FAM24B: variants seen among roughly 807,000 people sequenced by gnomAD.
FAM24B encodes the protein protein FAM24B.
Under a neutral mutation model 2.3 loss-of-function variants are expected in FAM24B, and 3 were observed. The observed-to-expected ratio is 1.29, with a 90% CI of 0.59 to 3.32. FAM24B has a LOEUF of 3.32. Ranked by LOEUF, FAM24B falls within the 30% of genes most tolerant of loss-of-function variation. The probability of loss-of-function intolerance (pLI) is 0.03; values close to 1 mark genes in which losing one functional copy is unlikely to be tolerated. For synonymous variants in FAM24B, 36 were observed against 46.3 expected (o/e 0.78, Z 0.90); for missense variants, 98 against 117.2 (o/e 0.84, Z 0.76).
In FAM24B at chr10:122,879,577, A is replaced by G. The variant is rs36212728; in HGVS notation, c.-270T>C. On this transcript the variant is annotated 5_prime_UTR_variant, in exon 1 of 4. Coordinates refer to ENST00000368898, the MANE Select transcript of FAM24B (RefSeq NM_152644.3). ...CGAAAAACCGCCGTGGTGCCCGCGC[A>G]CAGTGCACCGCGCCTGCGCATGGTC... The G allele has an allele frequency of 0.026, 3,929 of 152,792 alleles. 152 individuals are homozygous for G. The highest frequency in any genetic ancestry group is 0.083 in the African/African-American group (3,453 of 41,596). The allele number at this position is 152,792 out of a possible 1,614,324, so 9.5% of individuals were successfully genotyped here. A position where few individuals can be genotyped will look rare whatever the true frequency, so the allele number is the denominator to read the frequency against.
At chr10:122,865,889 G>T (rs766956471) in intron 1 of FAM24B, among the ~76,000 whole-genome samples, 1 of 150,652 alleles carries the variant, frequency 6.6e-6, no homozygotes, top group Non-Finnish European at 1.5e-5. Context: ...TATCAAATTC[G>T]GAGACAGCTG....
Position 122,865,554 on chromosome 10 carries a change from G to C in FAM24B, c.-177-9768C>G, listed in dbSNP as rs149946060. On this transcript the variant is annotated intron_variant, in intron 1 of 3. Transcript: ENST00000368898. ...TGAGGATTTTTGCATCTGTGTTCAT[G>C]AGAGGTATTGGTCTGTATGTTTCCA... is the stretch of plus-strand genomic sequence containing the variant. Among the ~76,000 whole-genome samples, 83 of 152,238 alleles carry C rather than the reference G, an allele frequency of 5.5e-4. No homozygotes were observed. In the East Asian group the frequency reaches 0.013, roughly 23 times the overall value.
At chr10:122,856,568 C>A (rs1847641962) in intron 1 of FAM24B, among the ~76,000 whole-genome samples, 1 of 152,178 alleles carries the variant, frequency 6.6e-6, no homozygotes, top group Admixed American at 6.5e-5. Flanking sequence ...GCCTTTGACA[C>A]TGGAACGACC....
intron 1 of FAM24B, among the ~76,000 whole-genome samples, chr10:122,872,870 G>C (rs1274427181): frequency 1.3e-5 from 2 of 152,004 alleles, no homozygotes; most frequent in Non-Finnish European, 2.9e-5. Flanking sequence ...ACACCAACAT[G>C]GCACATGTAT....
At chr10:122,879,185 T>G (rs770454538) in intron 1 of FAM24B, among the ~76,000 whole-genome samples, 1 of 152,160 alleles carries the variant, frequency 6.6e-6, no homozygotes, top group Non-Finnish European at 1.5e-5. Flanking sequence ...GGCAACGCCG[T>G]AGGATCAGGG....
intron 1 of FAM24B, among the ~76,000 whole-genome samples, chr10:122,858,706 G>A (rs532509588): frequency 1.3e-5 from 2 of 152,228 alleles, no homozygotes; most frequent in East Asian, 3.9e-4. Context: ...ACCACAGAGA[G>A]TGGTTACCCA....
At chr10:122,861,551 T>A (rs1308522882) in intron 1 of FAM24B, among the ~76,000 whole-genome samples, 1 of 152,232 alleles carries the variant, frequency 6.6e-6, no homozygotes, top group Non-Finnish European at 1.5e-5. Context: ...ATCTTCATAG[T>A]GGATTTTCCT....
intron 2 of FAM24B, among the ~76,000 whole-genome samples, chr10:122,853,438 T>A (rs2133825680): frequency 6.6e-6 from 1 of 152,278 alleles, no homozygotes; most frequent in African/African-American, 2.4e-5. Context: ...GCCCTCCCTG[T>A]CCCTCGCCTC....
At chr10:122,869,751 A>G (rs948971871) in intron 1 of FAM24B, among the ~76,000 whole-genome samples, 27 of 152,254 alleles carry the variant, frequency 1.8e-4, no homozygotes, top group Non-Finnish European at 3.2e-4. Context: ...ACAAAGACAC[A>G]GCATACCAGA....
intron 1 of FAM24B, among the ~76,000 whole-genome samples, chr10:122,873,705 G>C (rs887207978): frequency 1.3e-5 from 2 of 152,244 alleles, no homozygotes; most frequent in Middle Eastern, 3.4e-3. Context: ...AGTTTCTTAA[G>C]GTGAAAGCTT....
At chr10:122,866,166 T>G (rs1294828781) in intron 1 of FAM24B, among the ~76,000 whole-genome samples, 1 of 152,124 alleles carries the variant, frequency 6.6e-6, no homozygotes, top group Non-Finnish European at 1.5e-5. Context: ...CCTCCCAAAG[T>G]GCTGATATTA....
At chr10:122,865,818 AT>A (rs1203607026) in intron 1 of FAM24B, among the ~76,000 whole-genome samples, 2 of 149,294 alleles carry the variant, frequency 1.3e-5, no homozygotes, top group African/African-American at 4.9e-5. Context: ...TAGATTATCT[AT>A]TTCTCCTTTC....
rs551672096 is a variant in FAM24B, at chr10:122,870,994, T to C, written c.-178+8491A>G. On this transcript the variant is annotated intron_variant, in intron 1 of 3. Transcript: ENST00000368898. ...TCAATTAGGAAAAGAGGAAGTCAAA[T>C]TGTCCCTGTTTGCAGAGGACATGAT... 1.1e-4 allele frequency among the ~76,000 whole-genome samples: 16 copies of C among 152,306 alleles called. No individual in the cohort carries two copies. The East Asian group carries it at 1.7e-3, about 17-fold the overall frequency.
chr10:122,869,363 T>C (rs1197224929), intron 1 of FAM24B, among the ~76,000 whole-genome samples: 3 of 152,122 alleles, frequency 2.0e-5, no homozygotes, highest in African/African-American at 7.2e-5. Flanking sequence ...CTGTCAACAT[T>C]AGGCAGATCA....
At chr10:122,869,287 G>T (rs1847853072) in intron 1 of FAM24B, among the ~76,000 whole-genome samples, 1 of 152,164 alleles carries the variant, frequency 6.6e-6, no homozygotes, top group Admixed American at 6.5e-5. Context: ...CATAAAGCAA[G>T]TCCTGAGTGA....
At chr10:122,866,933 T>C (rs1480623695) in intron 1 of FAM24B, among the ~76,000 whole-genome samples, 1 of 152,202 alleles carries the variant, frequency 6.6e-6, no homozygotes, top group Non-Finnish European at 1.5e-5. Context: ...TAAGGCATGT[T>C]GAAAACCCAG....
At chr10:122,874,751 C>T (rs545542451) in intron 1 of FAM24B, among the ~76,000 whole-genome samples, 6 of 152,158 alleles carry the variant, frequency 3.9e-5, no homozygotes, top group East Asian at 3.9e-4. Flanking sequence ...GGGCTGTATA[C>T]GGCCCTGGAC....
At chr10:122,855,037 C>T (rs1025495862) in intron 2 of FAM24B, among the ~76,000 whole-genome samples, 3 of 152,102 alleles carry the variant, frequency 2.0e-5, no homozygotes, top group Non-Finnish European at 4.4e-5. Context: ...TCCCGGGAAA[C>T]TTATCTTTAC....
chr10:122,852,701 T>A (rs879513142), intron 2 of FAM24B, among the ~76,000 whole-genome samples: 4 of 152,028 alleles, frequency 2.6e-5, no homozygotes, highest in Non-Finnish European at 5.9e-5. Flanking sequence ...CAGAGGTGAG[T>A]CTCTGCTCTT....
Sources: gnomAD v4.1 joint callset for allele counts (sites outside exome capture counted in the v4.1 genomes callset) on GRCh38, gnomAD v4.1.1 for gene constraint, MANE v1.5 for transcripts, NCBI Gene and HGNC (gene_info 2026-07-23, HGNC 2026-07-21) for gene names.